Variants in AMY2B observed in about 807,000 individuals in gnomAD.
AMY2B encodes alpha-amylase 2B.
A neutral mutation model predicts 59.3 loss-of-function variants in AMY2B; 63 were observed. The observed-to-expected ratio is 1.06, with a 90% confidence interval of 0.87 to 1.31. AMY2B has a LOEUF of 1.31. Ranked by LOEUF, AMY2B falls within the 50% of genes most tolerant of loss-of-function variation. The probability of loss-of-function intolerance (pLI) is 0.00; values close to 1 mark genes in which losing one functional copy is unlikely to be tolerated. For synonymous variants in AMY2B, 180 were observed against 198.1 expected, an observed-to-expected ratio of 0.91 and a Z score of 0.77; for missense variants, 635 against 626.7, an observed-to-expected ratio of 1.01 and a Z score of -0.14.
chr1:103,576,639 T>C (rs1173175457), intron 7 of AMY2B, among the ~76,000 whole-genome samples: 3 of 152,194 alleles, frequency 2.0e-5, no homozygotes, highest in African/African-American at 7.2e-5. Flanking sequence ...AAAACTGGTG[T>C]CAATTTATAA....
upstream of AMY2B, chr1:103,569,653 C>T: frequency 2.6e-6 from 1 of 391,066 alleles, no homozygotes; most frequent in Non-Finnish European, 5.1e-6. Flanking sequence ...TTCCTTCCAT[C>T]ATCGGTGCCC....
chr1:103,561,038 G>A (rs942067079), intron 1 of AMY2B, among the ~76,000 whole-genome samples: 1 of 151,266 alleles, frequency 6.6e-6, no homozygotes, highest in East Asian at 1.9e-4. Context: ...CTATCATGTA[G>A]GGTACGCGTG....
chr1:103,570,720 A>G (rs1652095004), upstream of AMY2B: 1 of 534,006 alleles, frequency 1.9e-6, no homozygotes, highest in Non-Finnish European at 3.8e-6. Flanking sequence ...GGGTTAATTC[A>G]GAAGTAAAAA....
upstream of AMY2B, chr1:103,570,907 G>A (rs1652103448): frequency 2.8e-6 from 1 of 354,930 alleles, no homozygotes; most frequent in East Asian, 7.4e-5. Context: ...ACATATCTTT[G>A]ATTTCAGTCT....
chr1:103,566,371 CAT>C lies in AMY2B; in HGVS notation c.-47+782_-47+783del, dbSNP rs567275552. ...TGTCTAATACAAATAGAATGTAAAT[CAT>C]ATATGTAATTTAACGTATTTTACTA... On this transcript the variant is annotated intron_variant, in intron 2 of 11. Coordinates refer to the AMY2B transcript ENST00000361355. Among the ~76,000 whole-genome samples the C allele has an allele frequency of 1.5e-4, 23 of 152,148 alleles. No homozygotes were observed. In the East Asian group the frequency reaches 4.5e-3, roughly 29 times the overall value.
At chr1:103,556,287 A>G (rs1161917663) in intron 1 of AMY2B, among the ~76,000 whole-genome samples, 1 of 152,218 alleles carries the variant, frequency 6.6e-6, no homozygotes, top group African/African-American at 2.4e-5. Context: ...ACAGAATTCA[A>G]TTTAACTAAA....
chr1:103,577,171 A>G (rs1156368402), intron 7 of AMY2B, among the ~76,000 whole-genome samples: 1 of 152,104 alleles, frequency 6.6e-6, no homozygotes, highest in African/African-American at 2.4e-5. Context: ...CTGGGAGATC[A>G]AGGCTGCAGT....
intron 9 of AMY2B, 104 bp from the exon 10 acceptor site, chr1:103,579,202 GACTTC>G (rs1652478608): frequency 6.3e-7 from 1 of 1,586,654 alleles, no homozygotes. Context: ...TTCTTAATGA[GACTTC>G]ACTGCTTAGG....
intron 7 of AMY2B, among the ~76,000 whole-genome samples, chr1:103,576,903 C>T (rs1652376165): frequency 2.6e-5 from 4 of 152,170 alleles, no homozygotes; most frequent in Admixed American, 1.3e-4. Flanking sequence ...TAATGCCCTT[C>T]CCATTTCAAT....
rs569005538 is a variant in AMY2B at position 103,575,772 on chromosome 1, A to G, written c.1101+232A>G. On this transcript the variant is annotated intron_variant, in intron 7 of 9. Coordinates refer to ENST00000684275, the MANE Select transcript of AMY2B (RefSeq NM_001387437.1). ...CATATGATAAACATCCCCCTAGCCC[A>G]CAGGAAAAAAAAAAAAACCACTTAA... 440 of 536,370 alleles carry G rather than the reference A, an allele frequency of 8.2e-4. 3 individuals carry two copies. The African/African-American group carries it at 8.2e-3, about 10-fold the overall frequency. The allele number at this position is 536,370 out of a possible 1,614,324, so 33.2% of individuals were successfully genotyped here. A position where few individuals can be genotyped will look rare whatever the true frequency, so the allele number is the denominator to read the frequency against.
At chr1:103,570,706 T>A, upstream of AMY2B, 1 of 552,342 alleles carries the variant, frequency 1.8e-6, no homozygotes. Context: ...AGCAATTGCT[T>A]CATGGGTTAA....
At chr1:103,560,078 C>G (rs1447056959) in intron 1 of AMY2B, among the ~76,000 whole-genome samples, 5 of 152,012 alleles carry the variant, frequency 3.3e-5, no homozygotes, top group African/African-American at 4.8e-5. Flanking sequence ...CTTTAAAAGA[C>G]TCAACTTCTG....
chr1:103,575,036 GAGTGTGTGTTTGTGTGTGTGTATGTA>G (rs1652291357), intron 5 of AMY2B, among the ~76,000 whole-genome samples, 161 bp from the exon 6 acceptor site: 1 of 141,584 alleles, frequency 7.1e-6, no homozygotes, highest in African/African-American at 2.6e-5. Context: ...ATATATATTT[GAGTGTGTGTTTGTGTGTGTGTATGTA>G]TATATATATA....
rs1322559067 is a variant in AMY2B, at chr1:103,572,396, C to T, written c.315+140C>T. 31 of 1,429,182 alleles carry T rather than the reference C, an allele frequency of 2.2e-5. No homozygotes were observed. In the South Asian group the frequency reaches 2.4e-4, roughly 11 times the overall value. 88.5% of individuals were successfully genotyped at this position (1,429,182 alleles called of 1,614,324 possible). A position where few individuals can be genotyped will look rare whatever the true frequency, so the allele number is the denominator to read the frequency against. ...TCATACTTTAAAACTCAAAATTAAC[C>T]GTTGCCTTATGTTCAGCTTTTGTAA... On this transcript the variant is annotated intron_variant, in intron 2 of 9. Transcript: ENST00000684275.
At chr1:103,575,192 C>T in intron 5 of AMY2B, 31 bp from the exon 6 acceptor site, 1 of 1,612,356 alleles carries the variant, frequency 6.2e-7, no homozygotes, top group East Asian at 2.2e-5. Flanking sequence ...TGAAATGATA[C>T]ATCAACATAT....
At chr1:103,571,339 A>G, upstream of AMY2B, 1 of 951,516 alleles carries the variant, frequency 1.1e-6, no homozygotes, top group Middle Eastern at 3.5e-4. Context: ...ATTAGGCCCC[A>G]GCAATATATC....
rs531298901 is a variant in AMY2B, at chr1:103,577,425, T to C, written c.1102-65T>C. The C allele has an allele frequency of 3.7e-6, 6 of 1,610,798 alleles. No homozygotes were observed. The African/African-American group carries it at 5.3e-5, about 14-fold the overall frequency. ...AAGTAACAGGATAGGTTGGGTTTGG[T>C]TTAAAGGAGAAGGAAGAGGTAAATA... On this transcript the variant is annotated intron_variant, in intron 7 of 9. Transcript: ENST00000684275.
intron 1 of AMY2B, among the ~76,000 whole-genome samples, chr1:103,563,697 C>T (rs1036984131): frequency 1.3e-5 from 2 of 151,028 alleles, no homozygotes; most frequent in Admixed American, 6.6e-5. Context: ...CAAATTATCC[C>T]TTTTTTTTTA....
At chr1:103,570,074 T>A (rs187913470), upstream of AMY2B, 9 of 434,928 alleles carry the variant, frequency 2.1e-5, no homozygotes, top group East Asian at 5.0e-4. Context: ...CCTGACACCA[T>A]TCTGCATCTG....
Sources: gnomAD v4.1 joint callset for allele counts (sites outside exome capture counted in the v4.1 genomes callset) on GRCh38, gnomAD v4.1.1 for gene constraint, MANE v1.5 for transcripts, NCBI Gene and HGNC (gene_info 2026-07-23, HGNC 2026-07-21) for gene names.